MRTFB: variants seen among roughly 807,000 people sequenced by gnomAD.
MRTFB encodes the protein myocardin-related transcription factor B.
In MRTFB, 29 loss-of-function variants were observed where a neutral mutation model predicts 104.2. The observed-to-expected ratio is 0.28, with a 90% CI of 0.21 to 0.38. The LOEUF is 0.38. Among genes scored for constraint, MRTFB ranks in the 10% least tolerant of loss-of-function variants. MRTFB has a pLI of 1.00. For synonymous variants in MRTFB, 535 were observed against 519.5 expected (o/e 1.03, Z -0.41); for missense variants, 1,270 against 1,341.6 (o/e 0.95, Z 0.83).
At chr16:14,251,771 T>G (rs2043265812) in intron 13 of MRTFB, 91 bp from the exon 14 acceptor site, 1 of 1,415,534 alleles carries the variant, frequency 7.1e-7, no homozygotes, top group South Asian at 1.3e-5. Context: ...ACAGAAAAAG[T>G]TTGCTGACCC....
At chr16:14,208,339 T>C (rs2041040178) in intron 3 of MRTFB, among the ~76,000 whole-genome samples, 1 of 152,224 alleles carries the variant, frequency 6.6e-6, no homozygotes, top group Non-Finnish European at 1.5e-5. Context: ...CATTCAAAGA[T>C]GCCATTCACC....
chr16:14,214,377 A>G (rs1244299049), intron 6 of MRTFB, among the ~76,000 whole-genome samples: 1 of 152,192 alleles, frequency 6.6e-6, no homozygotes, highest in Non-Finnish European at 1.5e-5. Context: ...AAAACTTCTC[A>G]GACATTGAGA....
At chr16:14,186,856 C>T in intron 3 of MRTFB, 1 of 1,596,794 alleles carries the variant, frequency 6.3e-7, no homozygotes, top group Non-Finnish European at 8.5e-7. Context: ...GCACTTCGCT[C>T]TTCTGCAAAT....
chr16:14,253,741 C>G (rs1025668456), intron 15 of MRTFB, among the ~76,000 whole-genome samples: 1 of 152,208 alleles, frequency 6.6e-6, no homozygotes, highest in African/African-American at 2.4e-5. Flanking sequence ...CTACCACATG[C>G]TGCTTTGTAT....
At chr16:14,001,281 C>A in the MRTFB span, among the ~76,000 whole-genome samples, 3 of 152,186 alleles carry the variant, frequency 2.0e-5, no homozygotes, top group Non-Finnish European at 4.4e-5. Flanking sequence ...ACAGCTGGAT[C>A]CAGGATGGAA....
At chr16:14,036,364 C>G in the MRTFB span, among the ~76,000 whole-genome samples, 2 of 134,504 alleles carry the variant, frequency 1.5e-5, no homozygotes, top group African/African-American at 5.4e-5. Context: ...GGTGTCTCCT[C>G]AACACTTAAA....
At chr16:14,083,135 C>A (rs1318377442) in intron 2 of MRTFB, among the ~76,000 whole-genome samples, 1 of 150,390 alleles carries the variant, frequency 6.6e-6, no homozygotes, top group East Asian at 2.0e-4. Context: ...GGATTGTTTT[C>A]TTGATTTTTT....
chr16:14,241,178 A>G (rs929950760), intron 10 of MRTFB: 53 of 174,074 alleles, frequency 3.0e-4, no homozygotes, highest in African/African-American at 1.2e-3. Flanking sequence ...AAAATATAAG[A>G]AAAAACAGCT....
chr16:14,138,525 G>A (rs893356740), intron 2 of MRTFB, among the ~76,000 whole-genome samples: 8 of 152,148 alleles, frequency 5.3e-5, no homozygotes, highest in Admixed American at 2.0e-4. Flanking sequence ...CTTCTTAAGA[G>A]TGGTGTTTTG....
chr16:14,265,101 C>T lies in MRTFB; in HGVS notation c.*3657C>T, dbSNP rs2043901097. The T allele has an allele frequency of 6.6e-6, 1 of 152,200 alleles. No individual in the cohort carries two copies. Among genetic ancestry groups the T allele is most frequent in the Non-Finnish European group, 1.5e-5 (1 of 68,042 alleles). The allele number at this position is 152,200 out of a possible 1,614,324, so 9.4% of individuals were successfully genotyped here. A position where few individuals can be genotyped will look rare whatever the true frequency, so the allele number is the denominator to read the frequency against. On this transcript the variant is annotated 3_prime_UTR_variant, in exon 17 of 17. Transcript: ENST00000571589. ...ACATCCTCACTGGCTTCCATGCACC[C>T]ACCTGACGGTAGCCTCACAGAAGTC...
chr16:14,122,288 C>CT (rs968037640), intron 2 of MRTFB, among the ~76,000 whole-genome samples: 22 of 149,896 alleles, frequency 1.5e-4, no homozygotes, highest in East Asian at 7.8e-4. Flanking sequence ...AATGTACCAA[C>CT]TTTTTTTTTA....
the MRTFB span, among the ~76,000 whole-genome samples, chr16:14,045,355 C>G: frequency 2.0e-5 from 3 of 152,204 alleles, no homozygotes; most frequent in East Asian, 5.8e-4. Flanking sequence ...GATCCCGACA[C>G]AGCTGACCGC....
chr16:14,172,546 TAG>T (rs954382963), intron 3 of MRTFB, among the ~76,000 whole-genome samples: 2 of 152,194 alleles, frequency 1.3e-5, no homozygotes, highest in African/African-American at 4.8e-5. Context: ...GGTAAATTCC[TAG>T]AGAGAGGGTT....
intron 2 of MRTFB, among the ~76,000 whole-genome samples, chr16:14,079,772 G>GA (rs1248385733): frequency 6.6e-6 from 1 of 150,990 alleles, no homozygotes; most frequent in African/African-American, 2.4e-5. Flanking sequence ...CTATAATAAT[G>GA]AAAAAAATTT....
chr16:14,000,349 C>T, the MRTFB span, among the ~76,000 whole-genome samples: 3 of 152,286 alleles, frequency 2.0e-5, no homozygotes, highest in South Asian at 2.1e-4. Context: ...GCTCTTTCAC[C>T]GCTGGCAAGT....
chr16:14,186,182 A>T (rs773601507), intron 3 of MRTFB, among the ~76,000 whole-genome samples: 4 of 152,264 alleles, frequency 2.6e-5, no homozygotes, highest in Non-Finnish European at 5.9e-5. Flanking sequence ...TTTCCCTATT[A>T]CAAAGAGCAT....
At chr16:14,218,676 C>T in intron 7 of MRTFB, 144 bp from the exon 8 acceptor site, 1 of 711,786 alleles carries the variant, frequency 1.4e-6, no homozygotes, top group Non-Finnish European at 2.3e-6. Flanking sequence ...GTGGTGTGTT[C>T]TTGCACTGGG....
At chr16:14,012,235 T>G in the MRTFB span, among the ~76,000 whole-genome samples, 15 of 147,982 alleles carry the variant, frequency 1.0e-4, no homozygotes, top group Non-Finnish European at 1.5e-4. Flanking sequence ...TTTTTTTTCT[T>G]TTTTTTTTTT....
chr16:14,093,453 A>T (rs895201755), intron 2 of MRTFB, among the ~76,000 whole-genome samples: 3 of 152,086 alleles, frequency 2.0e-5, no homozygotes, highest in African/African-American at 7.2e-5. Flanking sequence ...TCACTAAAGA[A>T]CTTTCATTAA....
Sources: allele counts gnomAD v4.1 joint callset (sites outside exome capture counted in the v4.1 genomes callset), GRCh38; gene constraint gnomAD v4.1.1; transcripts MANE v1.5; gene names NCBI Gene and HGNC (gene_info 2026-07-23, HGNC 2026-07-21).